Variants in MAD1L1 observed in about 807,000 individuals in gnomAD.
The protein encoded by MAD1L1 is mitotic spindle assembly checkpoint protein MAD1.
Under a neutral mutation model 96.9 loss-of-function variants are expected in MAD1L1, and 95 were observed. The ratio of observed to expected loss-of-function variants is 0.98; its 90% confidence interval spans 0.83 to 1.16. The LOEUF (loss-of-function observed/expected upper bound fraction) is 1.16. Ranked by LOEUF, MAD1L1 falls within the 50% of genes most tolerant of loss-of-function variation. The pLI is 0.00. For missense variants in MAD1L1, 1,007 were observed against 954.4 expected (o/e 1.06, Z -0.73); for synonymous variants, 473 against 396.6 (o/e 1.19, Z -2.29).
intron 18 of MAD1L1, among the ~76,000 whole-genome samples, chr7:1,860,595 C>A (rs1784498475): frequency 6.6e-6 from 1 of 152,200 alleles, no homozygotes; most frequent in South Asian, 2.1e-4. Flanking sequence ...CAGTGAAGGT[C>A]TGGAAAACGA....
intron 17 of MAD1L1, among the ~76,000 whole-genome samples, chr7:1,918,303 A>G (rs1174362003): frequency 2.0e-5 from 3 of 152,132 alleles, no homozygotes; most frequent in African/African-American, 4.8e-5. Context: ...GCCCCAGCGC[A>G]GTCCCCTCCC....
chr7:2,197,414 G>A (rs1427284356), intron 10 of MAD1L1, among the ~76,000 whole-genome samples: 4 of 152,260 alleles, frequency 2.6e-5, no homozygotes, highest in Middle Eastern at 3.4e-3. Context: ...CAGTGAAGAA[G>A]AGGAAGAAAC....
At chr7:2,083,004 G>A (rs562849583) in intron 11 of MAD1L1, among the ~76,000 whole-genome samples, 1 of 152,312 alleles carries the variant, frequency 6.6e-6, no homozygotes, top group African/African-American at 2.4e-5. Context: ...GAGCTCCCCT[G>A]CCCGTCAATC....
intron 11 of MAD1L1, among the ~76,000 whole-genome samples, chr7:2,106,026 G>A (rs1208110265): frequency 1.4e-3 from 15 of 10,636 alleles, no homozygotes; most frequent in Middle Eastern, 0.14. Context: ...ACATGGCCCC[G>A]CCCCTCCATT....
At position 2,216,204 on chromosome 7, in the gene MAD1L1, C is replaced by T. The variant is rs575539928; in HGVS notation, c.762G>A (p.Arg254=). Residue 254 remains arginine, a synonymous_variant, in exon 8 of 19, where the codon AGG becomes AGA. Coordinates refer to ENST00000265854, the MANE Select transcript of MAD1L1 (RefSeq NM_001013836.2). ...GCAGCTGCTTCAGCTCCCGTTCCAGCCTAGGGAGCCGTACCAGCTCAGACT... is the reference window on the plus strand; with the variant it reads ...GCAGCTGCTTCAGCTCCCGTTCCAGTCTAGGGAGCCGTACCAGCTCAGACT... ...NMKSELVRLP[R]LERELKQLRE... 4.0e-5 allele frequency: 65 copies of T among 1,614,036 alleles called. No individual in the cohort carries two copies. The East Asian group carries it at 1.4e-3, about 34-fold the overall frequency.
At chr7:1,992,920 G>C (rs1781413104) in intron 14 of MAD1L1, among the ~76,000 whole-genome samples, 7 of 152,098 alleles carry the variant, frequency 4.6e-5, no homozygotes, top group Admixed American at 4.6e-4. Context: ...CTGAGAAAAA[G>C]CTTAAGCCAG....
At chr7:2,213,090 C>A in intron 10 of MAD1L1, 122 bp downstream of exon 10, 1 of 1,002,966 alleles carries the variant, frequency 1.0e-6, no homozygotes. Flanking sequence ...AGGACAAATG[C>A]CCCGCACCAG....
intron 5 of MAD1L1, among the ~76,000 whole-genome samples, 173 bp from the exon 6 acceptor site, chr7:2,219,629 A>AG (rs1179702138): frequency 2.2e-5 from 2 of 91,802 alleles, no homozygotes; most frequent in African/African-American, 4.0e-5. Flanking sequence ...GCAGAGGGGT[A>AG]GGGGGGCAGA....
intron 10 of MAD1L1, among the ~76,000 whole-genome samples, chr7:2,174,083 G>A (rs1377192946): frequency 6.6e-6 from 1 of 152,184 alleles, no homozygotes; most frequent in Non-Finnish European, 1.5e-5. Flanking sequence ...GCCACTGAAA[G>A]TGCTGGGATT....
chr7:2,123,513 ACG>A, intron 11 of MAD1L1, among the ~76,000 whole-genome samples: 1 of 152,116 alleles, frequency 6.6e-6, no homozygotes, highest in South Asian at 2.1e-4. Context: ...TGAGCTGGTG[ACG>A]GTAGGGTTTC....
At chr7:2,028,489 G>T (rs960230018) in intron 12 of MAD1L1, among the ~76,000 whole-genome samples, 1 of 150,822 alleles carries the variant, frequency 6.6e-6, no homozygotes, top group African/African-American at 2.4e-5. Context: ...CCATGGATTA[G>T]AAGATTCAAT....
chr7:2,006,467 C>T (rs1782034504), intron 13 of MAD1L1, among the ~76,000 whole-genome samples: 1 of 152,076 alleles, frequency 6.6e-6, no homozygotes, highest in Non-Finnish European at 1.5e-5. Context: ...GGCAAACGTC[C>T]ACTCCTCCCT....
intron 11 of MAD1L1, among the ~76,000 whole-genome samples, chr7:2,069,661 G>A (rs967332297): frequency 6.6e-6 from 1 of 152,212 alleles, no homozygotes; most frequent in Non-Finnish European, 1.5e-5. Context: ...CAGAGCCAGC[G>A]CTTCCCCTCT....
chr7:1,820,936 C>T (rs890429980), intron 18 of MAD1L1, among the ~76,000 whole-genome samples: 5 of 151,876 alleles, frequency 3.3e-5, no homozygotes, highest in African/African-American at 1.2e-4. Context: ...AAAAAATTAG[C>T]CGGGTGTGGT....
intron 14 of MAD1L1, among the ~76,000 whole-genome samples, chr7:1,988,060 G>A (rs931270099): frequency 1.3e-5 from 2 of 152,238 alleles, no homozygotes; most frequent in African/African-American, 2.4e-5. Flanking sequence ...CATGAGAGGC[G>A]AGGAGCGGCA....
At chr7:1,889,576 A>G (rs78015029) in intron 18 of MAD1L1, among the ~76,000 whole-genome samples, 1 of 151,690 alleles carries the variant, frequency 6.6e-6, no homozygotes, top group Non-Finnish European at 1.5e-5. Flanking sequence ...CCCCTGCACC[A>G]TCTCCTATGT....
At chr7:1,935,332 G>A (rs1483478326) in intron 17 of MAD1L1, among the ~76,000 whole-genome samples, 1 of 152,260 alleles carries the variant, frequency 6.6e-6, no homozygotes, top group African/African-American at 2.4e-5. Context: ...CCCTTGTGCA[G>A]GTGGGGAGCT....
chr7:2,173,242 G>A (rs1019980197), intron 10 of MAD1L1, among the ~76,000 whole-genome samples: 9 of 152,214 alleles, frequency 5.9e-5, no homozygotes, highest in Admixed American at 1.3e-4. Flanking sequence ...TTCAGTTTGG[G>A]GCATTACCTG....
intron 4 of MAD1L1, among the ~76,000 whole-genome samples, chr7:2,223,309 A>C (rs1308738025): frequency 2.0e-5 from 3 of 152,072 alleles, no homozygotes; most frequent in Admixed American, 6.5e-5. Context: ...CCCACCCCCC[A>C]CGACTGGCCT....
Sources: allele counts gnomAD v4.1 joint callset (sites outside exome capture counted in the v4.1 genomes callset), GRCh38; gene constraint gnomAD v4.1.1; transcripts MANE v1.5; gene names NCBI Gene and HGNC (gene_info 2026-07-23, HGNC 2026-07-21).